Variants in HDAC9 observed in about 807,000 individuals in gnomAD.
The protein encoded by HDAC9 is histone deacetylase 9.
In HDAC9, 41 loss-of-function variants were observed where a neutral mutation model predicts 139.4. That is an observed-to-expected ratio of 0.29 (90% CI 0.23 to 0.38). The LOEUF is 0.38. Among genes scored for constraint, HDAC9 ranks in the 10% least tolerant of loss-of-function variants. The pLI is 1.00. For missense variants in HDAC9, 1,147 were observed against 1,297.0 expected (o/e 0.88, Z 1.78); for synonymous variants, 517 against 476.2 (o/e 1.09, Z -1.12).
At chr7:18,456,039 A>C (rs1213426041) in intron 1 of HDAC9, among the ~76,000 whole-genome samples, 3 of 152,184 alleles carry the variant, frequency 2.0e-5, no homozygotes, top group African/African-American at 7.2e-5. Context: ...TTCCATCTCT[A>C]AAATTTTCTT....
intron 25 of HDAC9, 52 bp downstream of exon 25, chr7:18,976,005 C>G (rs1784525587): frequency 1.3e-6 from 2 of 1,560,402 alleles, no homozygotes; most frequent in Non-Finnish European, 1.7e-6. Flanking sequence ...CCAGGCTCAT[C>G]GTTGATATTT....
At chr7:18,674,727 G>T (rs1781392995) in intron 12 of HDAC9, among the ~76,000 whole-genome samples, 1 of 151,940 alleles carries the variant, frequency 6.6e-6, no homozygotes, top group Non-Finnish European at 1.5e-5. Flanking sequence ...TATTTTCGAT[G>T]TGAAATGTGG....
intron 1 of HDAC9, among the ~76,000 whole-genome samples, chr7:18,353,994 C>G (rs148127899): frequency 1.3e-5 from 2 of 152,178 alleles, no homozygotes; most frequent in East Asian, 3.9e-4. Context: ...ACATTCTAAG[C>G]CAAGGGTGGC....
At chr7:18,240,979 G>A (rs1794150097) in intron 2 of HDAC9, among the ~76,000 whole-genome samples, 1 of 151,980 alleles carries the variant, frequency 6.6e-6, no homozygotes, top group Non-Finnish European at 1.5e-5. Context: ...AGTTAAATAG[G>A]ACCAGTACTT....
chr7:18,198,923 A>G (rs1157850323), intron 2 of HDAC9, among the ~76,000 whole-genome samples: 2 of 152,150 alleles, frequency 1.3e-5, no homozygotes, highest in Non-Finnish European at 2.9e-5. Flanking sequence ...GTTGTTTTAG[A>G]TATTAATTAA....
chr7:18,586,202 A>G (rs949644963), intron 3 of HDAC9, among the ~76,000 whole-genome samples: 3 of 152,018 alleles, frequency 2.0e-5, no homozygotes, highest in Non-Finnish European at 4.4e-5. Flanking sequence ...AGAATTTTTA[A>G]TAATAACTTA....
intron 2 of HDAC9, among the ~76,000 whole-genome samples, chr7:18,232,587 C>T (rs1206681783): frequency 6.6e-6 from 1 of 152,168 alleles, no homozygotes; most frequent in African/African-American, 2.4e-5. Context: ...GTTTCAATGT[C>T]CCTAGAGGCA....
intron 2 of HDAC9, among the ~76,000 whole-genome samples, chr7:18,248,085 A>C (rs1162438359): frequency 1.3e-5 from 2 of 152,202 alleles, no homozygotes; most frequent in African/African-American, 4.8e-5. Context: ...TGTTTAATTT[A>C]CTTAAGTACA....
chr7:18,169,402 G>C (rs749977574), intron 2 of HDAC9, among the ~76,000 whole-genome samples: 1 of 151,492 alleles, frequency 6.6e-6, no homozygotes, highest in Non-Finnish European at 1.5e-5. Context: ...GTGAGGCATC[G>C]TTATGGTTTT....
intron 1 of HDAC9, among the ~76,000 whole-genome samples, chr7:18,338,851 T>G (rs1461634060): frequency 2.0e-5 from 3 of 151,538 alleles, no homozygotes; most frequent in African/African-American, 7.3e-5. Context: ...TATTATTTTT[T>G]TAAATCCTCG....
intron 1 of HDAC9, among the ~76,000 whole-genome samples, chr7:18,476,662 G>T (rs1253519249): frequency 3.3e-5 from 5 of 152,088 alleles, no homozygotes; most frequent in Non-Finnish European, 7.4e-5. Context: ...TTATCATACA[G>T]TTAATTTTAA....
chr7:18,091,452 T>C (rs1782139367), intron 1 of HDAC9, among the ~76,000 whole-genome samples: 1 of 152,300 alleles, frequency 6.6e-6, no homozygotes, highest in East Asian at 1.9e-4. Flanking sequence ...TGACTGGAAT[T>C]TGAAGTGACC....
intron 21 of HDAC9, among the ~76,000 whole-genome samples, chr7:18,858,146 A>G (rs1452021431): frequency 2.0e-5 from 3 of 152,184 alleles, no homozygotes; most frequent in Non-Finnish European, 2.9e-5. Flanking sequence ...AAAAAATGAA[A>G]ATAATCAGTG....
intron 25 of HDAC9, among the ~76,000 whole-genome samples, chr7:18,992,624 T>G (rs1786075655): frequency 6.6e-6 from 1 of 152,210 alleles, no homozygotes; most frequent in Non-Finnish European, 1.5e-5. Flanking sequence ...AATGCTATTT[T>G]TAAAACCACA....
intron 17 of HDAC9, among the ~76,000 whole-genome samples, chr7:18,823,050 A>G (rs1795106916): frequency 6.6e-6 from 1 of 152,196 alleles, no homozygotes; most frequent in African/African-American, 2.4e-5. Context: ...CCAATAAAAG[A>G]AAACACAGGC....
chr7:18,438,921 T>C (rs1257477644), intron 1 of HDAC9, among the ~76,000 whole-genome samples: 1 of 152,198 alleles, frequency 6.6e-6, no homozygotes, highest in Admixed American at 6.5e-5. Flanking sequence ...GTGATGATGC[T>C]AACAGTTAAG....
At chr7:18,516,455 C>G (rs968791565) in intron 2 of HDAC9, among the ~76,000 whole-genome samples, 1 of 152,102 alleles carries the variant, frequency 6.6e-6, no homozygotes, top group Admixed American at 6.6e-5. Flanking sequence ...AGTCAATATC[C>G]TATTTACTTA....
intron 2 of HDAC9, among the ~76,000 whole-genome samples, chr7:18,196,771 G>C (rs1790758715): frequency 1.3e-5 from 2 of 152,170 alleles, no homozygotes; most frequent in South Asian, 4.1e-4. Flanking sequence ...GTGGGGCTGA[G>C]TTGTTTTACA....
In HDAC9 at chr7:18,197,561, C is replaced by T. The variant is rs556085722; in HGVS notation, c.25+35212C>T. 1.4e-4 allele frequency among the ~76,000 whole-genome samples: 22 copies of T among 152,162 alleles called. 1 individual carries two copies. The South Asian group carries it at 4.4e-3, about 30-fold the overall frequency. ...AGAAGTTACGTGACAGAACAGAGTT[C>T]ACAGGTGAATGAGAGAGACAAGCAT... On this transcript the variant is annotated intron_variant, in intron 2 of 12. Coordinates refer to the HDAC9 transcript ENST00000417496.
Sources: allele counts gnomAD v4.1 joint callset (sites outside exome capture counted in the v4.1 genomes callset), GRCh38; gene constraint gnomAD v4.1.1; transcripts MANE v1.5; gene names NCBI Gene and HGNC (gene_info 2026-07-23, HGNC 2026-07-21).